TXNL4A: variants seen among roughly 807,000 people sequenced by gnomAD.
The protein encoded by TXNL4A is thioredoxin-like protein 4A.
TXNL4A carries 17 observed loss-of-function variants against 14.6 expected under a neutral mutation model. That is an observed-to-expected ratio of 1.16 (90% CI 0.80 to 1.74). The LOEUF (loss-of-function observed/expected upper bound fraction) is 1.74. Ranked by LOEUF, TXNL4A falls within the 40% of genes most tolerant of loss-of-function variation. The pLI is 0.00. For missense variants in TXNL4A, 74 were observed against 195.2 expected (o/e 0.38, Z 3.70); for synonymous variants, 83 against 70.6 (o/e 1.18, Z -0.88).
At chr18:79,995,700 T>C (rs2051655995) in intron 1 of TXNL4A, among the ~76,000 whole-genome samples, 1 of 152,178 alleles carries the variant, frequency 6.6e-6, no homozygotes, top group Non-Finnish European at 1.5e-5. Flanking sequence ...TTGCCCAAGT[T>C]ATGCGTTTAC....
chr18:80,029,648 C>A (rs935578249), intron 1 of TXNL4A, among the ~76,000 whole-genome samples: 1 of 152,190 alleles, frequency 6.6e-6, no homozygotes, highest in African/African-American at 2.4e-5. Context: ...ATCCTCAGGC[C>A]TAGTGGAGAG....
At chr18:80,013,608 A>C (rs1469305709) in intron 1 of TXNL4A, among the ~76,000 whole-genome samples, 2 of 151,530 alleles carry the variant, frequency 1.3e-5, no homozygotes, top group Non-Finnish European at 2.9e-5. Context: ...CTAATTTTTT[A>C]TTTCTTTTTG....
intron 1 of TXNL4A, among the ~76,000 whole-genome samples, chr18:80,012,054 G>A (rs554090151): frequency 2.0e-4 from 30 of 152,142 alleles, no homozygotes; most frequent in African/African-American, 6.7e-4. Context: ...CTCTGGACGC[G>A]CCTTTTAAAC....
chr18:79,977,711 G>A lies in TXNL4A; in HGVS notation c.154-10C>T. On this transcript the variant is annotated splice_polypyrimidine_tract_variant and intron_variant, in intron 1 of 2. Coordinates refer to ENST00000269601, the MANE Select transcript of TXNL4A (RefSeq NM_006701.5). Reference sequence around the variant, plus strand: ...CTGCAAAATTTTTAACCTAAAAGGAGATTAAAAAAAAAAACTGAAATAACA... The same window carrying A: ...CTGCAAAATTTTTAACCTAAAAGGAAATTAAAAAAAAAAACTGAAATAACA... The A allele has an allele frequency of 6.8e-7, 1 of 1,466,596 alleles. No homozygotes were observed. The highest frequency in any genetic ancestry group is 1.4e-5 in the African/African-American group (1 of 69,738). 90.8% of individuals were successfully genotyped at this position (1,466,596 alleles called of 1,614,324 possible). A position where few individuals can be genotyped will look rare whatever the true frequency, so the allele number is the denominator to read the frequency against.
At chr18:80,005,867 C>T (rs1418057670) in intron 1 of TXNL4A, among the ~76,000 whole-genome samples, 3 of 151,752 alleles carry the variant, frequency 2.0e-5, no homozygotes, top group Admixed American at 6.6e-5. Flanking sequence ...TAGCTGAGAT[C>T]GCACCACTGC....
At chr18:79,996,886 T>G (rs932406781) in intron 1 of TXNL4A, among the ~76,000 whole-genome samples, 2 of 152,172 alleles carry the variant, frequency 1.3e-5, no homozygotes, top group Non-Finnish European at 2.9e-5. Context: ...GAGGTTGCAG[T>G]GAGCCAAGAC....
At chr18:80,033,186 T>C (rs1048886451) in intron 1 of TXNL4A, among the ~76,000 whole-genome samples, 4 of 152,094 alleles carry the variant, frequency 2.6e-5, no homozygotes, top group African/African-American at 9.7e-5. Flanking sequence ...TACATACGCA[T>C]ACACACACAC....
chr18:79,982,666 G>A lies in TXNL4A; in HGVS notation c.154-4965C>T, dbSNP rs909714545. Among the ~76,000 whole-genome samples the A allele has an allele frequency of 6.6e-6, 1 of 152,168 alleles. No individual in the cohort carries two copies. Among genetic ancestry groups the A allele is most frequent in the Non-Finnish European group, 1.5e-5 (1 of 68,030 alleles). ...AACGGGGACACTGCAGGGGCTGAAGGACTGAGGAACAGAGGACTTCAGTGT... is the reference window on the plus strand; with the variant it reads ...AACGGGGACACTGCAGGGGCTGAAGAACTGAGGAACAGAGGACTTCAGTGT... On this transcript the variant is annotated intron_variant, in intron 1 of 2. Coordinates refer to ENST00000269601, the MANE Select transcript of TXNL4A (RefSeq NM_006701.5). This position sits in a 1 kb window ranked among gnomAD's most constrained non-coding sequence, Gnocchi z 4.0.
chr18:80,001,030 G>C (rs2051695288), intron 1 of TXNL4A, among the ~76,000 whole-genome samples: 1 of 152,242 alleles, frequency 6.6e-6, no homozygotes, highest in African/African-American at 2.4e-5. Flanking sequence ...TCACAGGCCT[G>C]GAGGCCTAGT....
intron 1 of TXNL4A, among the ~76,000 whole-genome samples, chr18:80,008,181 C>G (rs1378988712): frequency 6.6e-6 from 1 of 152,142 alleles, no homozygotes; most frequent in Non-Finnish European, 1.5e-5. Context: ...GTGTGCTCTC[C>G]AGCTTCAGTG....
intron 1 of TXNL4A, among the ~76,000 whole-genome samples, chr18:80,010,958 CTTT>C (rs914737136): frequency 6.8e-6 from 1 of 146,034 alleles, no homozygotes; most frequent in Non-Finnish European, 1.5e-5. Context: ...TTGGGCATTG[CTTT>C]TTTTTTTTCT....
chr18:79,983,343 T>C (rs2051493168), intron 1 of TXNL4A, among the ~76,000 whole-genome samples: 1 of 152,236 alleles, frequency 6.6e-6, no homozygotes. Context: ...ATTGTAAGTA[T>C]CTTTTCCAAC....
upstream of TXNL4A, chr18:79,988,605 C>G (rs867312494): frequency 1.9e-4 from 74 of 399,172 alleles, no homozygotes; most frequent in Middle Eastern, 2.8e-3. Context: ...ACGGCATGCG[C>G]GCGCGCTAGC....
chr18:79,989,181 C>T (rs11081578), upstream of TXNL4A, among the ~76,000 whole-genome samples: 17,026 of 152,116 alleles, frequency 0.11, 1,168 homozygotes, highest in East Asian at 0.27. Context: ...GTGACGTGAT[C>T]TTGGCCCACT....
chr18:80,030,645 A>G (rs1025160230), intron 1 of TXNL4A: 2 of 152,214 alleles, frequency 1.3e-5, no homozygotes, highest in African/African-American at 2.4e-5. Context: ...TGGCATAACA[A>G]AAGACAATAT....
chr18:80,017,620 T>C (rs942618905), intron 1 of TXNL4A, among the ~76,000 whole-genome samples: 5 of 152,126 alleles, frequency 3.3e-5, no homozygotes, highest in Non-Finnish European at 7.4e-5. Context: ...ATTGAGATAA[T>C]CATGTGGTTT....
rs183780483 is a variant in TXNL4A, at chr18:79,982,262, A to C, written c.154-4561T>G. ...GACCGATGCGCAGGTGGACTGGCCC[A>C]CAGAGGACCTTTTCCACTTGGGATT... On this transcript the variant is annotated intron_variant, in intron 1 of 2. Coordinates refer to ENST00000269601, the MANE Select transcript of TXNL4A (RefSeq NM_006701.5). This position sits in a 1 kb window ranked among gnomAD's most constrained non-coding sequence, Gnocchi z 4.0. 1.3e-5 allele frequency among the ~76,000 whole-genome samples: 2 copies of C among 152,350 alleles called. No homozygotes were observed. The highest frequency in any genetic ancestry group is 3.9e-4 in the East Asian group (2 of 5,186).
chr18:80,015,152 T>C (rs1347293025), intron 1 of TXNL4A, among the ~76,000 whole-genome samples: 3 of 152,164 alleles, frequency 2.0e-5, no homozygotes, highest in Non-Finnish European at 4.4e-5. Flanking sequence ...CATGAAGACC[T>C]ATGACGTGCC....
chr18:79,993,314 G>C (rs1325116843), upstream of TXNL4A, among the ~76,000 whole-genome samples: 2 of 113,282 alleles, frequency 1.8e-5, no homozygotes, highest in East Asian at 7.9e-4. This position sits in a 1 kb window ranked among gnomAD's most constrained non-coding sequence, Gnocchi z 4.4. Context: ...AGGTTTATTT[G>C]CTGTTTAAAA....
Sources: gnomAD v4.1 joint callset for allele counts (sites outside exome capture counted in the v4.1 genomes callset) on GRCh38, gnomAD v4.1.1 for gene constraint, Gnocchi (gnomAD v3.1) non-coding constraint, MANE v1.5 for transcripts, NCBI Gene and HGNC (gene_info 2026-07-23, HGNC 2026-07-21) for gene names.